Variants in SYNE2 observed in about 807,000 individuals in gnomAD.
SYNE2 encodes the protein nesprin-2.
In SYNE2, 431 loss-of-function variants were observed where a neutral mutation model predicts 856.3. The observed-to-expected ratio is 0.50, with a 90% CI of 0.47 to 0.55. SYNE2 has a LOEUF of 0.55. Ranked by LOEUF, SYNE2 falls within the 20% of genes least tolerant of loss-of-function variation. SYNE2 has a pLI of 0.00. For missense variants in SYNE2, 8,129 were observed against 8,023.2 expected (o/e 1.01, Z -0.50); for synonymous variants, 2,923 against 2,872.3 (o/e 1.02, Z -0.56).
chr14:63,774,360 T>C (rs1887028627), intron 1 of SYNE2, among the ~76,000 whole-genome samples: 2 of 151,344 alleles, frequency 1.3e-5, no homozygotes, highest in South Asian at 4.2e-4. Flanking sequence ...TCCCAGATAC[T>C]TGGGAGGCTG....
chr14:63,952,712 A>G (rs1255870), intron 7 of SYNE2, among the ~76,000 whole-genome samples: 73,539 of 152,132 alleles, frequency 0.48, 18,806 homozygotes, highest in Non-Finnish European at 0.56. Flanking sequence ...TACCACAAAC[A>G]TATTTGTTAG....
chr14:63,797,384 C>G (rs981642328), intron 1 of SYNE2, among the ~76,000 whole-genome samples: 5 of 151,992 alleles, frequency 3.3e-5, no homozygotes, highest in Non-Finnish European at 7.4e-5. Flanking sequence ...GAGTGAGACT[C>G]AGTCTCAAAA....
chr14:64,129,943 G>A (rs1426513436), intron 75 of SYNE2, 42 bp downstream of exon 75: 4 of 1,613,884 alleles, frequency 2.5e-6, no homozygotes, highest in Non-Finnish European at 3.4e-6. Flanking sequence ...CTGTGATTGT[G>A]AGGAGCCAGA....
At chr14:64,006,000 A>C (rs2096793231) in intron 30 of SYNE2, among the ~76,000 whole-genome samples, 1 of 152,230 alleles carries the variant, frequency 6.6e-6, no homozygotes, top group Admixed American at 6.5e-5. Flanking sequence ...AGGCATCTCA[A>C]CAAAGAGGAA....
In SYNE2 at chr14:64,165,466, A is replaced by G. The variant is rs1464939292; in HGVS notation, c.16605+56A>G. 4.4e-6 allele frequency: 7 copies of G among 1,587,768 alleles called. No homozygotes were observed. In the East Asian group the frequency reaches 1.6e-4, roughly 36 times the overall value. ...TTAGACTCACCATAAGGTTAAAAAA[A>G]ATAAGCTGATTACTGTGAACTTATG... is the stretch of plus-strand genomic sequence containing the variant. On this transcript the variant is annotated intron_variant, in intron 90 of 115. Coordinates refer to ENST00000555002, the MANE Select transcript of SYNE2 (RefSeq NM_182914.3).
chr14:64,165,467 A>T, intron 90 of SYNE2, 57 bp downstream of exon 90: 1 of 1,578,036 alleles, frequency 6.3e-7, no homozygotes, highest in Non-Finnish European at 8.7e-7. Context: ...GTTAAAAAAA[A>T]TAAGCTGATT....
At chr14:64,208,974 C>A (rs1162827459) in intron 101 of SYNE2, 29 bp downstream of exon 101, 4 of 1,607,928 alleles carry the variant, frequency 2.5e-6, no homozygotes, top group Non-Finnish European at 3.4e-6. Context: ...CAAATGCCTT[C>A]AGCGTGGTCA....
At chr14:63,908,575 C>T (rs1301459994) in intron 1 of SYNE2, among the ~76,000 whole-genome samples, 1 of 152,138 alleles carries the variant, frequency 6.6e-6, no homozygotes, top group Non-Finnish European at 1.5e-5. Flanking sequence ...TTAGATAACT[C>T]ATTAAAATAT....
intron 1 of SYNE2, among the ~76,000 whole-genome samples, chr14:63,832,425 G>A (rs1036898793): frequency 1.3e-5 from 2 of 151,926 alleles, no homozygotes; most frequent in Non-Finnish European, 2.9e-5. Context: ...ACAGGCGTGA[G>A]CCACCATTCC....
At chr14:63,785,356 G>T (rs1217684761) in intron 1 of SYNE2, among the ~76,000 whole-genome samples, 1 of 152,156 alleles carries the variant, frequency 6.6e-6, no homozygotes, top group Non-Finnish European at 1.5e-5. Flanking sequence ...TACTTGGGAG[G>T]CTGAGGTGGG....
At position 63,841,836 on chromosome 14, in the gene SYNE2, T is replaced by C. The variant is rs1458020006; in HGVS notation, c.-304-10665T>C. 1.3e-3 allele frequency among the ~76,000 whole-genome samples: 174 copies of C among 139,062 alleles called. 1 individual carries two copies. Among genetic ancestry groups the C allele is most frequent in the Middle Eastern group, 3.8e-3 (1 of 264 alleles). The allele number at this position is 139,062 out of a possible 152,430, so 91.2% of individuals were successfully genotyped here. A position where few individuals can be genotyped will look rare whatever the true frequency, so the allele number is the denominator to read the frequency against. ...TTTCTTTTTCTTTCTTTCTTTCTTT[T>C]TTTTTTTTTTTTTTGAGACATTGTC... On this transcript the variant is annotated intron_variant, in intron 1 of 23. Transcript: ENST00000674003.
intron 6 of SYNE2, among the ~76,000 whole-genome samples, chr14:63,944,334 T>C (rs2095982266): frequency 6.7e-6 from 1 of 148,484 alleles, no homozygotes; most frequent in South Asian, 2.1e-4. Flanking sequence ...GCATGATGTT[T>C]GTTGTAAAGT....
chr14:63,792,965 T>G (rs1039204252), intron 1 of SYNE2, among the ~76,000 whole-genome samples: 5 of 152,150 alleles, frequency 3.3e-5, no homozygotes, highest in Non-Finnish European at 7.3e-5. Flanking sequence ...GCTGAGCCAC[T>G]GCACCAGCCT....
At chr14:63,899,694 G>GT in intron 1 of SYNE2, among the ~76,000 whole-genome samples, 1 of 152,142 alleles carries the variant, frequency 6.6e-6, no homozygotes, top group Middle Eastern at 3.4e-3. Context: ...TAAAGATGGG[G>GT]TTTTACCATG....
intron 88 of SYNE2, 55 bp from the exon 89 acceptor site, chr14:64,163,347 G>A (rs752286609): frequency 1.3e-6 from 2 of 1,597,382 alleles, no homozygotes; most frequent in Non-Finnish European, 1.7e-6. Context: ...CAGCGGGTAG[G>A]GAATTGTGGT....
chr14:63,965,310 A>C (rs1183655447), intron 10 of SYNE2, among the ~76,000 whole-genome samples: 2 of 152,132 alleles, frequency 1.3e-5, no homozygotes, highest in Admixed American at 1.3e-4. Flanking sequence ...TTTGCATTTC[A>C]CATGTTAAAA....
chr14:64,154,149 G>A (rs1161999327), intron 85 of SYNE2, among the ~76,000 whole-genome samples: 3 of 144,776 alleles, frequency 2.1e-5, no homozygotes, highest in African/African-American at 7.7e-5. Flanking sequence ...GGGCAACATA[G>A]CAAGACCCCC....
chr14:63,853,107 C>G lies in SYNE2; in HGVS notation c.-88C>G, dbSNP rs566597058. 1 of 151,756 alleles carries G rather than the reference C, an allele frequency of 6.6e-6. No homozygotes were observed. Among genetic ancestry groups the G allele is most frequent in the African/African-American group, 2.4e-5 (1 of 41,362 alleles). The allele number at this position is 151,756 out of a possible 1,614,324, so 9.4% of individuals were successfully genotyped here. On this transcript the variant is annotated 5_prime_UTR_variant, in exon 1 of 116. Coordinates refer to ENST00000555002, the MANE Select transcript of SYNE2 (RefSeq NM_182914.3). ...CAAGCGGGGCGCCGACCTCGGGCGGCCCCGGCCCGCGCCCTTGCCCCTCGG... is the reference window on the plus strand; with the variant it reads ...CAAGCGGGGCGCCGACCTCGGGCGGGCCCGGCCCGCGCCCTTGCCCCTCGG...
At chr14:64,182,395 GTTTA>G (rs750997394) in intron 96 of SYNE2, among the ~76,000 whole-genome samples, 108 of 151,992 alleles carry the variant, frequency 7.1e-4, no homozygotes, top group Middle Eastern at 6.8e-3. Flanking sequence ...TTATTTATTT[GTTTA>G]TTTATTTATA....
Sources: allele counts gnomAD v4.1 joint callset (sites outside exome capture counted in the v4.1 genomes callset), GRCh38; gene constraint gnomAD v4.1.1; transcripts MANE v1.5; gene names NCBI Gene and HGNC (gene_info 2026-07-23, HGNC 2026-07-21).